The following TAF3 variants were observed in gnomAD, a reference collection of about 807,000 sequenced individuals.
TAF3 encodes the protein TATA-box binding protein associated factor 3.
Under a neutral mutation model 80.6 loss-of-function variants are expected in TAF3, and 7 were observed. That is an observed-to-expected ratio of 0.09 (90% CI 0.05 to 0.16). The LOEUF (loss-of-function observed/expected upper bound fraction) is 0.16. TAF3 is among the 10% of genes least tolerant of loss of function. The probability of loss-of-function intolerance (pLI) is 1.00; values close to 1 mark genes in which losing one functional copy is unlikely to be tolerated. For synonymous variants in TAF3, 444 were observed against 446.1 expected (o/e 1.00, Z 0.06); for missense variants, 921 against 1,140.2 (o/e 0.81, Z 2.77).
chr10:7,928,343 C>T (rs1488255082), intron 2 of TAF3, among the ~76,000 whole-genome samples: 1 of 152,152 alleles, frequency 6.6e-6, no homozygotes, highest in African/African-American at 2.4e-5. Context: ...GATATTGTTA[C>T]ACTATAGCGG....
intron 2 of TAF3, among the ~76,000 whole-genome samples, chr10:7,925,357 T>G (rs1480584903): frequency 1.3e-5 from 2 of 152,248 alleles, no homozygotes; most frequent in African/African-American, 4.8e-5. Flanking sequence ...TGCACTCACC[T>G]TGGCTTAGTT....
Position 7,834,266 on chromosome 10 carries a change from AT to A in TAF3, c.409+9707del, listed in dbSNP as rs960205175. ...GCGCTTTTGGGGCCAAATATAAAAA[AT>A]AATTGCCCAGACCAGTGTCTTACAG... is the stretch of plus-strand genomic sequence containing the variant. On this transcript the variant is annotated intron_variant, in intron 2 of 6. Transcript: ENST00000344293. 5.9e-5 allele frequency among the ~76,000 whole-genome samples: 9 copies of A among 152,236 alleles called. No individual in the cohort carries two copies. In the South Asian group the frequency reaches 1.0e-3, roughly 18 times the overall value.
At chr10:8,007,893 G>A (rs549638416) in intron 4 of TAF3, among the ~76,000 whole-genome samples, 3 of 151,790 alleles carry the variant, frequency 2.0e-5, no homozygotes, top group South Asian at 2.1e-4. Context: ...AGTCTCTGGC[G>A]GCTGTAGAAT....
rs866779792 is a variant in TAF3 at position 7,873,624 on chromosome 10, C to G, written c.409+49064C>G. ...GGGAAGACATCCGAGTTCTCCCCCC[C>G]CCCCCGTCAAAAGGGGGTGTCGAAT... On this transcript the variant is annotated intron_variant, in intron 2 of 6. Transcript: ENST00000344293. 5.6e-5 allele frequency among the ~76,000 whole-genome samples: 8 copies of G among 143,648 alleles called. 1 individual carries two copies. The highest frequency in any genetic ancestry group is 2.2e-4 in the South Asian group (1 of 4,524). The allele number at this position is 143,648 out of a possible 152,430, so 94.2% of individuals were successfully genotyped here.
At chr10:7,952,366 TGAG>T (rs1443083273) in intron 2 of TAF3, among the ~76,000 whole-genome samples, 2 of 152,192 alleles carry the variant, frequency 1.3e-5, no homozygotes, top group East Asian at 1.9e-4. Flanking sequence ...TTATTGTATC[TGAG>T]GAGGAGAGAA....
intron 3 of TAF3, among the ~76,000 whole-genome samples, chr10:7,969,879 C>T (rs144106287): frequency 1.4e-4 from 21 of 152,328 alleles, no homozygotes; most frequent in Non-Finnish European, 2.4e-4. Context: ...ACCTCCCATC[C>T]TCGCAGACCC....
At chr10:7,975,358 C>G (rs538159258) in intron 3 of TAF3, among the ~76,000 whole-genome samples, 49 of 152,264 alleles carry the variant, frequency 3.2e-4, no homozygotes, top group African/African-American at 1.1e-3. Flanking sequence ...GCTTCATATT[C>G]ATGCTTTACA....
intron 2 of TAF3, among the ~76,000 whole-genome samples, chr10:7,864,647 CTTGT>C (rs1471424271): frequency 2.6e-5 from 4 of 151,940 alleles, no homozygotes; most frequent in Admixed American, 6.6e-5. Flanking sequence ...GGTTATACGG[CTTGT>C]TTGTCTTTTT....
intron 2 of TAF3, among the ~76,000 whole-genome samples, chr10:7,887,232 TAAAAA>T (rs528310249): frequency 7.2e-6 from 1 of 139,516 alleles, no homozygotes; most frequent in Non-Finnish European, 1.5e-5. Context: ...ACTCTGTATT[TAAAAA>T]AAAAAAAAAA....
chr10:7,835,204 T>C (rs113998208), intron 2 of TAF3, among the ~76,000 whole-genome samples: 1,782 of 152,300 alleles, frequency 0.012, 30 homozygotes, highest in African/African-American at 0.04. Context: ...ACACCATCGA[T>C]AGCTGCTGAG....
intron 2 of TAF3, among the ~76,000 whole-genome samples, chr10:7,887,795 C>G (rs933480571): frequency 6.6e-6 from 1 of 151,596 alleles, no homozygotes; most frequent in African/African-American, 2.4e-5. Context: ...TTATTAAAAT[C>G]CTTTATAATT....
chr10:7,977,369 C>A, intron 4 of TAF3, 46 bp downstream of exon 4: 4 of 1,574,374 alleles, frequency 2.5e-6, no homozygotes, highest in Non-Finnish European at 3.5e-6. Context: ...TGAAATTTAA[C>A]CTTCTCTACT....
intron 2 of TAF3, among the ~76,000 whole-genome samples, chr10:7,944,411 A>G (rs2131398833): frequency 6.6e-6 from 1 of 152,314 alleles, no homozygotes; most frequent in African/African-American, 2.4e-5. Flanking sequence ...TCAACAGACT[A>G]ATTATTCTTG....
At position 8,016,013 on chromosome 10, in the gene TAF3, C is replaced by T. The variant is rs1832100851; in HGVS notation, c.*1262C>T. 1 of 151,908 alleles carries T rather than the reference C, an allele frequency of 6.6e-6. No homozygotes were observed. The allele number at this position is 151,908 out of a possible 1,614,324, so 9.4% of individuals were successfully genotyped here. On this transcript the variant is annotated 3_prime_UTR_variant, in exon 7 of 7. Transcript: ENST00000344293. ...AAACTCATCAAATTTCAGGGTATCA[C>T]AAAACTTTATTATATTATTATACTG...
chr10:7,864,307 AAATT>A (rs1266880961), intron 2 of TAF3, among the ~76,000 whole-genome samples: 2 of 152,222 alleles, frequency 1.3e-5, no homozygotes, highest in East Asian at 1.9e-4. Flanking sequence ...CTTTTTTCAG[AAATT>A]AATTGACAGA....
At chr10:7,845,125 G>C (rs535623501) in intron 2 of TAF3, among the ~76,000 whole-genome samples, 28 of 152,178 alleles carry the variant, frequency 1.8e-4, no homozygotes, top group African/African-American at 6.5e-4. Context: ...CAGTGTCCCA[G>C]CAGTCTCCCT....
At chr10:7,950,116 G>A (rs753986585) in intron 2 of TAF3, among the ~76,000 whole-genome samples, 5 of 152,204 alleles carry the variant, frequency 3.3e-5, no homozygotes, top group East Asian at 1.9e-4. Flanking sequence ...TGTGGTTCCC[G>A]TATCAGTGAA....
At chr10:7,843,158 C>G (rs1836935162) in intron 2 of TAF3, among the ~76,000 whole-genome samples, 1 of 152,106 alleles carries the variant, frequency 6.6e-6, no homozygotes, top group Non-Finnish European at 1.5e-5. Flanking sequence ...TTCCCTGTCA[C>G]CCAGGCTGGG....
intron 2 of TAF3, among the ~76,000 whole-genome samples, chr10:7,836,859 A>G (rs889092217): frequency 6.6e-6 from 1 of 152,238 alleles, no homozygotes; most frequent in African/African-American, 2.4e-5. Flanking sequence ...ATTATAAAAC[A>G]CTTTGTTGGC....
Sources: allele counts gnomAD v4.1 joint callset (sites outside exome capture counted in the v4.1 genomes callset), GRCh38; gene constraint gnomAD v4.1.1; transcripts MANE v1.5; gene names NCBI Gene and HGNC (gene_info 2026-07-23, HGNC 2026-07-21).